The following FREM1 variants were observed in gnomAD, a reference collection of about 807,000 sequenced individuals.
FREM1 encodes the protein FRAS1-related extracellular matrix protein 1.
FREM1 carries 220 observed loss-of-function variants against 210.1 expected under a neutral mutation model. That is an observed-to-expected ratio of 1.05 (90% CI 0.94 to 1.17). FREM1 has a LOEUF of 1.17. Ranked by LOEUF, FREM1 falls within the 50% of genes most tolerant of loss-of-function variation. FREM1 has a pLI of 0.00. For synonymous variants in FREM1, 1,189 were observed against 980.2 expected (o/e 1.21, Z -3.98); for missense variants, 3,454 against 2,675.5 (o/e 1.29, Z -6.42).
At chr9:14,758,319 G>A (rs1406135794) in intron 28 of FREM1, among the ~76,000 whole-genome samples, 1 of 152,150 alleles carries the variant, frequency 6.6e-6, no homozygotes, top group African/African-American at 2.4e-5. Context: ...CTTTCTACCT[G>A]GCAAGGTGAA....
At chr9:14,814,802 C>G (rs75615377) in intron 15 of FREM1, among the ~76,000 whole-genome samples, 1 of 152,036 alleles carries the variant, frequency 6.6e-6, no homozygotes, top group African/African-American at 2.4e-5. Context: ...AAAAAAATCA[C>G]AAACACTTGT....
chr9:14,753,609 G>A (rs994250466), intron 29 of FREM1, among the ~76,000 whole-genome samples: 4 of 152,082 alleles, frequency 2.6e-5, no homozygotes, highest in African/African-American at 4.8e-5. Context: ...CACTGTCTTC[G>A]GTTTTTCACT....
At chr9:14,780,043 G>A (rs1467547597) in intron 24 of FREM1, among the ~76,000 whole-genome samples, 3 of 152,132 alleles carry the variant, frequency 2.0e-5, no homozygotes, top group Non-Finnish European at 4.4e-5. Context: ...GTCTGGAAAA[G>A]CTGATCAATC....
intron 10 of FREM1, among the ~76,000 whole-genome samples, chr9:14,825,547 G>GTGTGTATATATATA: frequency 5.3e-5 from 4 of 75,902 alleles, no homozygotes; most frequent in South Asian, 4.8e-4. Flanking sequence ...GTGTGTGTGT[G>GTGTGTATATATATA]TATATATATA....
At chr9:14,850,124 C>G (rs56115805) in intron 6 of FREM1, among the ~76,000 whole-genome samples, 1 of 152,066 alleles carries the variant, frequency 6.6e-6, no homozygotes, top group Non-Finnish European at 1.5e-5. Flanking sequence ...CAATTTCCAC[C>G]CTGTTTGAAT....
intron 10 of FREM1, among the ~76,000 whole-genome samples, chr9:14,832,955 C>A (rs998309979): frequency 6.6e-6 from 1 of 152,164 alleles, no homozygotes; most frequent in Non-Finnish European, 1.5e-5. Flanking sequence ...GCCTGCTGTT[C>A]CAGCCAGCCC....
chr9:14,872,297 T>A (rs1184067708), intron 1 of FREM1, among the ~76,000 whole-genome samples: 1 of 152,204 alleles, frequency 6.6e-6, no homozygotes, highest in Non-Finnish European at 1.5e-5. Flanking sequence ...TTCCTACCCA[T>A]GAGCATGGAA....
intron 19 of FREM1, among the ~76,000 whole-genome samples, chr9:14,803,907 G>C (rs1056328947): frequency 6.6e-6 from 1 of 152,048 alleles, no homozygotes; most frequent in Admixed American, 6.6e-5. Context: ...TTTTCTCCAA[G>C]AACTTTAATA....
intron 29 of FREM1, among the ~76,000 whole-genome samples, chr9:14,750,898 G>C (rs1294111185): frequency 2.6e-5 from 4 of 152,088 alleles, no homozygotes; most frequent in African/African-American, 9.7e-5. Context: ...CTTTCTGGCT[G>C]CCTCTATTCA....
chr9:14,869,043 C>G lies in FREM1; in HGVS notation c.-66G>C. The G allele has an allele frequency of 8.6e-7, 1 of 1,163,600 alleles. No individual in the cohort carries two copies. The highest frequency in any genetic ancestry group is 1.5e-5 in the African/African-American group (1 of 65,262). The allele number at this position is 1,163,600 out of a possible 1,614,324, so 72.1% of individuals were successfully genotyped here. The stretch of plus-strand genomic sequence containing the variant: ...CCTTTAACAAAGGAGGGCTTCTGTG[C>G]TTCCTCCTGGAGGGTCAGCTCATAG... On this transcript the variant is annotated 5_prime_UTR_variant, in exon 2 of 37. Transcript: ENST00000380880.
intron 24 of FREM1, among the ~76,000 whole-genome samples, chr9:14,777,916 G>C (rs1472277022): frequency 6.6e-6 from 1 of 152,128 alleles, no homozygotes; most frequent in Non-Finnish European, 1.5e-5. Context: ...TTGCTTTGAA[G>C]GCTATGCTGA....
At chr9:14,785,933 AT>A (rs1218621220) in intron 23 of FREM1, among the ~76,000 whole-genome samples, 4 of 151,898 alleles carry the variant, frequency 2.6e-5, no homozygotes, top group Non-Finnish European at 4.4e-5. Flanking sequence ...ATTCACCACT[AT>A]TTTTTTTAAA....
At chr9:14,872,945 G>T (rs972997501) in intron 1 of FREM1, among the ~76,000 whole-genome samples, 24 of 150,160 alleles carry the variant, frequency 1.6e-4, no homozygotes, top group Admixed American at 1.5e-3. Flanking sequence ...TTTTGTCTTT[G>T]GTTCTGTTTA....
chr9:14,807,205 C>G (rs1818529915), intron 17 of FREM1, among the ~76,000 whole-genome samples: 1 of 152,106 alleles, frequency 6.6e-6, no homozygotes. Context: ...AAGAATTGCC[C>G]AACTGTTTTA....
At chr9:14,844,741 G>T (rs1353395667) in intron 8 of FREM1, among the ~76,000 whole-genome samples, 1 of 152,198 alleles carries the variant, frequency 6.6e-6, no homozygotes, top group Non-Finnish European at 1.5e-5. Flanking sequence ...CTGAGGAGTT[G>T]TATGTGACAT....
chr9:14,795,600 G>C (rs985857512), intron 21 of FREM1, among the ~76,000 whole-genome samples: 1 of 152,208 alleles, frequency 6.6e-6, no homozygotes, highest in African/African-American at 2.4e-5. Context: ...TTTTGAAGCA[G>C]GGTTGAAGGA....
At chr9:14,882,013 C>T (rs1188714519) in intron 1 of FREM1, among the ~76,000 whole-genome samples, 2 of 152,064 alleles carry the variant, frequency 1.3e-5, no homozygotes, top group African/African-American at 4.8e-5. Context: ...GGTCTCTGGG[C>T]CATTTGCAAA....
intron 23 of FREM1, among the ~76,000 whole-genome samples, chr9:14,787,137 T>C (rs1230940722): frequency 6.6e-6 from 1 of 152,188 alleles, no homozygotes; most frequent in Non-Finnish European, 1.5e-5. Context: ...AGCTCCCAAA[T>C]GGAAACAACC....
chr9:14,884,976 G>C (rs1231311559), intron 1 of FREM1, among the ~76,000 whole-genome samples: 1 of 128,394 alleles, frequency 7.8e-6, no homozygotes, highest in Non-Finnish European at 1.5e-5. Context: ...CCAGGCTGGA[G>C]TGCAGTGGTG....
Sources: allele counts gnomAD v4.1 joint callset (sites outside exome capture counted in the v4.1 genomes callset), GRCh38; gene constraint gnomAD v4.1.1; transcripts MANE v1.5; gene names NCBI Gene and HGNC (gene_info 2026-07-23, HGNC 2026-07-21).